MKNK1: variants seen among roughly 807,000 people sequenced by gnomAD.
MKNK1 encodes the protein MAPK interacting serine/threonine kinase 1.
In MKNK1, 30 loss-of-function variants were observed where a neutral mutation model predicts 49.3. The ratio of observed to expected loss-of-function variants is 0.61; its 90% CI spans 0.46 to 0.83. The LOEUF is 0.83. MKNK1 is among the 40% of genes least tolerant of loss of function. The pLI, the probability that MKNK1 is intolerant of heterozygous loss-of-function variation, is 0.00. For missense variants in MKNK1, 423 were observed against 524.7 expected, an observed-to-expected ratio of 0.81 and a Z score of 1.89; for synonymous variants, 176 against 201.7, an observed-to-expected ratio of 0.87 and a Z score of 1.08.
intron 4 of MKNK1, 64 bp from the exon 5 acceptor site, chr1:46,576,718 G>A (rs2148665716): frequency 7.2e-7 from 1 of 1,392,002 alleles, no homozygotes; most frequent in East Asian, 2.3e-5. Context: ...TTTGGCAGGA[G>A]TCCTCTGGGA....
intron 2 of MKNK1, among the ~76,000 whole-genome samples, chr1:46,586,996 G>A (rs1345196756): frequency 6.6e-6 from 1 of 152,198 alleles, no homozygotes; most frequent in Non-Finnish European, 1.5e-5. Flanking sequence ...TTTTAGTAGA[G>A]ACGGGGTTTC....
chr1:46,580,093 A>G (rs1180484020), intron 4 of MKNK1, among the ~76,000 whole-genome samples: 3 of 152,182 alleles, frequency 2.0e-5, no homozygotes, highest in Non-Finnish European at 4.4e-5. Flanking sequence ...AGATGTAGGA[A>G]CTGAGGCTTA....
chr1:46,564,466 G>GTTTTTTTTTTTTTTTTTTTTTT (rs568296534), intron 9 of MKNK1, among the ~76,000 whole-genome samples: 1 of 70,168 alleles, frequency 1.4e-5, no homozygotes, highest in African/African-American at 6.8e-5. Flanking sequence ...TTTTTTTATT[G>GTTTTTTTTTTTTTTTTTTTTTT]TTTTTTTTTT....
At chr1:46,582,221 C>T (rs1671854554) in intron 3 of MKNK1, among the ~76,000 whole-genome samples, 1 of 152,108 alleles carries the variant, frequency 6.6e-6, no homozygotes, top group African/African-American at 2.4e-5. Flanking sequence ...AGACACACAC[C>T]CCTGCTGTTT....
At chr1:46,567,095 G>A (rs1224930936) in intron 8 of MKNK1, among the ~76,000 whole-genome samples, 6 of 152,018 alleles carry the variant, frequency 3.9e-5, no homozygotes, top group African/African-American at 1.2e-4. Context: ...GCATGCAACC[G>A]CTGTGACCAG....
chr1:46,557,889 T>G lies in MKNK1; in HGVS notation c.*686A>C, dbSNP rs142482312. On this transcript the variant is annotated 3_prime_UTR_variant, in exon 13 of 13. Coordinates refer to ENST00000371945, the MANE Select transcript of MKNK1 (RefSeq NM_001135553.4). ...ACAGCATGGTTAAAAACACCAAACT[T>G]TTTTTTTAAAAAAACGATACTACTG... 6.6e-6 allele frequency: 1 copy of G among 152,130 alleles called. No homozygotes were observed. The highest frequency in any genetic ancestry group is 1.5e-5 in the Non-Finnish European group (1 of 68,006). 9.4% of individuals were successfully genotyped at this position (152,130 alleles called of 1,614,324 possible). A position where few individuals can be genotyped will look rare whatever the true frequency, so the allele number is the denominator to read the frequency against.
intron 8 of MKNK1, 95 bp from the exon 9 acceptor site, chr1:46,565,231 G>T: frequency 9.0e-7 from 1 of 1,113,270 alleles, no homozygotes; most frequent in Non-Finnish European, 1.4e-6. Flanking sequence ...CTCCGTGGCT[G>T]TCACACCGCA....
At chr1:46,580,259 T>C (rs889068382) in intron 4 of MKNK1, among the ~76,000 whole-genome samples, 2 of 152,272 alleles carry the variant, frequency 1.3e-5, no homozygotes, top group Non-Finnish European at 2.9e-5. Flanking sequence ...GGCATTGTGC[T>C]AAGCACTTTA....
At chr1:46,593,896 T>TA (rs112353465) in intron 2 of MKNK1, 3 of 392,956 alleles carry the variant, frequency 7.6e-6, no homozygotes, top group African/African-American at 4.1e-5. Context: ...ATGTTTTAGT[T>TA]ACATGTTTTC....
At position 46,565,015 on chromosome 1, in the gene MKNK1, T is replaced by C. The variant is rs756911670; in HGVS notation, c.609+26A>G. 4 of 1,604,282 alleles carry C rather than the reference T, an allele frequency of 2.5e-6. No homozygotes were observed. In the South Asian group the frequency reaches 3.3e-5, roughly 13 times the overall value. ...GGATCAGGGAAACACTCCAAATACT[T>C]AGGAGCCCAGAGGAAGCATACGTAC... On this transcript the variant is annotated intron_variant, in intron 9 of 12. Coordinates refer to ENST00000371945, the MANE Select transcript of MKNK1 (RefSeq NM_001135553.4).
chr1:46,598,267 G>C (rs1674326813), intron 1 of MKNK1, among the ~76,000 whole-genome samples: 1 of 152,184 alleles, frequency 6.6e-6, no homozygotes, highest in Admixed American at 6.5e-5. Flanking sequence ...TGTGAAAAAA[G>C]TAATATATGT....
intron 8 of MKNK1, among the ~76,000 whole-genome samples, chr1:46,567,913 G>A (rs1284825002): frequency 6.6e-6 from 1 of 152,212 alleles, no homozygotes; most frequent in East Asian, 1.9e-4. Flanking sequence ...TTGAGCTCAG[G>A]AGTTCGAGAC....
chr1:46,590,763 T>A (rs190511127), intron 2 of MKNK1, among the ~76,000 whole-genome samples: 1 of 152,260 alleles, frequency 6.6e-6, no homozygotes. Flanking sequence ...GATCCCCTCA[T>A]CAGGCCTCCA....
intron 4 of MKNK1, among the ~76,000 whole-genome samples, chr1:46,578,586 A>AT (rs71817045): frequency 0.16 from 22,259 of 138,284 alleles, 3,461 homozygotes; most frequent in African/African-American, 0.4. Flanking sequence ...AGATATATCA[A>AT]TTTTTTTTTT....
At chr1:46,578,175 C>T (rs1010228429) in intron 4 of MKNK1, among the ~76,000 whole-genome samples, 1 of 152,196 alleles carries the variant, frequency 6.6e-6, no homozygotes, top group Non-Finnish European at 1.5e-5. Flanking sequence ...GCTCTTGCTA[C>T]TAGAGATGGG....
At chr1:46,561,335 C>T in intron 11 of MKNK1, 143 bp downstream of exon 11, 1 of 914,734 alleles carries the variant, frequency 1.1e-6, no homozygotes, top group East Asian at 2.7e-5. Context: ...TCGATTCACT[C>T]TACACACTCA....
Position 46,576,611 on chromosome 1 carries a change from C to T in MKNK1, c.242G>A (p.Arg81Gln), listed in dbSNP as rs143453771. ...ACACTGATACAGCGTCTCCACCTCT[C>T]GAAACACCCTACTCCGACTGTGCCC... Reference protein sequence around the residue: ...QAGHSRSRVFREVETLYQCQG... With the variant: ...QAGHSRSRVFQEVETLYQCQG... The change falls in exon 5 of 13, where the codon CGA (arginine) becomes CAA (glutamine). Residue 81 changes from arginine to glutamine, a missense_variant. Coordinates refer to ENST00000371945, the MANE Select transcript of MKNK1 (RefSeq NM_001135553.4). 4,237 of 1,614,106 alleles carry T rather than the reference C, an allele frequency of 2.6e-3. 10 individuals are homozygous for T. Among genetic ancestry groups the T allele is most frequent in the Non-Finnish European group, 3.3e-3 (3,860 of 1,179,972 alleles).
chr1:46,565,451 C>A, intron 8 of MKNK1: 1 of 373,420 alleles, frequency 2.7e-6, no homozygotes, highest in Non-Finnish European at 5.1e-6. Context: ...AGCACAGCAG[C>A]TAGGGAAGTT....
At chr1:46,591,606 A>T (rs938174173) in intron 2 of MKNK1, among the ~76,000 whole-genome samples, 1 of 152,060 alleles carries the variant, frequency 6.6e-6, no homozygotes, top group Non-Finnish European at 1.5e-5. Flanking sequence ...GAAAGCTGAC[A>T]AAGGTGGGCT....
Sources: allele counts gnomAD v4.1 joint callset (sites outside exome capture counted in the v4.1 genomes callset), GRCh38; gene constraint gnomAD v4.1.1; transcripts MANE v1.5; gene names NCBI Gene and HGNC (gene_info 2026-07-23, HGNC 2026-07-21).